The following NCKAP5 variants were observed in gnomAD, a reference collection of about 807,000 sequenced individuals.
NCKAP5 encodes NCK associated protein 5.
In NCKAP5, 92 loss-of-function variants were observed where a neutral mutation model predicts 167.0. That is an observed-to-expected ratio of 0.55 (90% confidence interval 0.47 to 0.66). The LOEUF (loss-of-function observed/expected upper bound fraction) is 0.66, where lower values mean the gene tolerates loss of function less well. Among genes scored for constraint, NCKAP5 ranks in the 30% least tolerant of loss-of-function variants. The pLI is 0.00. For synonymous variants in NCKAP5, 891 were observed against 877.4 expected (o/e 1.02, Z -0.27); for missense variants, 2,378 against 2,315.0 (o/e 1.03, Z -0.56).
chr2:133,135,095 C>T (rs113913522), intron 5 of NCKAP5, among the ~76,000 whole-genome samples: 6 of 152,232 alleles, frequency 3.9e-5, no homozygotes, highest in African/African-American at 1.2e-4. Context: ...AGAGGGCTGG[C>T]GCTAAATAAA....
chr2:133,448,445 C>A (rs183443193), intron 3 of NCKAP5, among the ~76,000 whole-genome samples: 41 of 151,936 alleles, frequency 2.7e-4, no homozygotes, highest in African/African-American at 9.4e-4. Flanking sequence ...CATTGTTTAC[C>A]CTGAGCAGTC....
intron 3 of NCKAP5, among the ~76,000 whole-genome samples, chr2:133,370,471 A>G (rs1020338779): frequency 3.9e-5 from 6 of 152,192 alleles, no homozygotes; most frequent in Non-Finnish European, 8.8e-5. Flanking sequence ...GTGCCTCTAA[A>G]TATAAAGGGT....
chr2:133,086,620 T>C lies in NCKAP5; in HGVS notation c.341+43358A>G, dbSNP rs1487376836. Among the ~76,000 whole-genome samples, 5 of 152,168 alleles carry C rather than the reference T, an allele frequency of 3.3e-5. No individual in the cohort carries two copies. In the East Asian group the frequency reaches 9.7e-4, roughly 29 times the overall value. On this transcript the variant is annotated intron_variant, in intron 6 of 19. Coordinates refer to ENST00000409261, the MANE Select transcript of NCKAP5 (RefSeq NM_207363.3). ...TCATGCCACTGCACTCCAGCCTGAG[T>C]GACAGAGCAAGACCTTATCTCTAAA...
chr2:133,296,078 T>G lies in NCKAP5; in HGVS notation c.143+6959A>C, dbSNP rs538686299. 2.0e-5 allele frequency among the ~76,000 whole-genome samples: 3 copies of G among 151,574 alleles called. No individual in the cohort carries two copies. The East Asian group carries it at 5.8e-4, about 29-fold the overall frequency. The stretch of plus-strand genomic sequence containing the variant: ...AAGATTAGAAATTATGGCTCAGGAG[T>G]CATGCAGCCAGAGGCCGCAAGATTC... On this transcript the variant is annotated intron_variant, in intron 4 of 19. Transcript: ENST00000409261.
chr2:132,879,223 C>T (rs1429978764), intron 8 of NCKAP5, among the ~76,000 whole-genome samples: 2 of 152,126 alleles, frequency 1.3e-5, no homozygotes, highest in East Asian at 1.9e-4. Flanking sequence ...TTATTTTATT[C>T]TGTGAAAATG....
intron 4 of NCKAP5, among the ~76,000 whole-genome samples, chr2:133,218,244 C>A (rs981701813): frequency 6.6e-5 from 10 of 151,860 alleles, no homozygotes; most frequent in African/African-American, 2.4e-4. Flanking sequence ...AACAGTAATT[C>A]CAAAACAAAA....
intron 2 of NCKAP5, among the ~76,000 whole-genome samples, chr2:133,545,676 C>A (rs1043274070): frequency 2.0e-5 from 3 of 152,126 alleles, no homozygotes; most frequent in African/African-American, 7.2e-5. Flanking sequence ...AACTATGTAT[C>A]TACCTGGCCT....
At chr2:133,248,040 T>A (rs576362031) in intron 4 of NCKAP5, among the ~76,000 whole-genome samples, 37 of 152,334 alleles carry the variant, frequency 2.4e-4, no homozygotes, top group African/African-American at 8.2e-4. Context: ...AAAAGCTGCA[T>A]TGATATTCTG....
chr2:133,271,021 G>A (rs1186672090), intron 4 of NCKAP5, among the ~76,000 whole-genome samples: 5 of 148,908 alleles, frequency 3.4e-5, no homozygotes, highest in Admixed American at 6.8e-5. Flanking sequence ...CCGGGTTCAC[G>A]TCATTCTCCT....
intron 9 of NCKAP5, among the ~76,000 whole-genome samples, chr2:132,874,269 T>A (rs1267071166): frequency 6.6e-6 from 1 of 151,908 alleles, no homozygotes; most frequent in Non-Finnish European, 1.5e-5. Flanking sequence ...CCACCATGCC[T>A]GGTTAATTTT....
chr2:133,310,227 A>G (rs1041282750), intron 3 of NCKAP5, among the ~76,000 whole-genome samples: 5 of 152,230 alleles, frequency 3.3e-5, no homozygotes, highest in African/African-American at 4.8e-5. Context: ...TGGCATCTGT[A>G]CCAATATAAA....
At chr2:132,824,514 G>A (rs575418056) in intron 11 of NCKAP5, among the ~76,000 whole-genome samples, 1 of 152,340 alleles carries the variant, frequency 6.6e-6, no homozygotes, top group South Asian at 2.1e-4. Context: ...AGGAGGCTGA[G>A]AAATAGCATA....
chr2:132,947,830 A>G (rs1028671241), intron 8 of NCKAP5, among the ~76,000 whole-genome samples: 3 of 152,138 alleles, frequency 2.0e-5, no homozygotes, highest in African/African-American at 7.2e-5. Flanking sequence ...TGCTGGTTTC[A>G]TTGTCACCTG....
At chr2:133,341,374 G>T (rs931299190) in intron 3 of NCKAP5, among the ~76,000 whole-genome samples, 1 of 151,942 alleles carries the variant, frequency 6.6e-6, no homozygotes, top group Middle Eastern at 3.2e-3. Context: ...TTCTAAGGGG[G>T]ATAAGGTGGA....
At chr2:132,945,076 G>A (rs966322868) in intron 8 of NCKAP5, among the ~76,000 whole-genome samples, 11 of 152,082 alleles carry the variant, frequency 7.2e-5, no homozygotes, top group African/African-American at 2.2e-4. Context: ...GGCCCCAAGC[G>A]GGTTGAGTTG....
chr2:133,518,542 G>C (rs1470501135), intron 2 of NCKAP5, among the ~76,000 whole-genome samples: 1 of 151,158 alleles, frequency 6.6e-6, no homozygotes, highest in African/African-American at 2.4e-5. Flanking sequence ...TTTTAGTAGA[G>C]ACAGGGTTTC....
chr2:132,931,060 T>A (rs1161100566), intron 8 of NCKAP5: 1 of 152,222 alleles, frequency 6.6e-6, no homozygotes, highest in Non-Finnish European at 1.5e-5. Flanking sequence ...TCAACCTAAA[T>A]GTAATGCTTT....
At chr2:133,010,009 T>C (rs1004505066) in intron 6 of NCKAP5, among the ~76,000 whole-genome samples, 5 of 151,314 alleles carry the variant, frequency 3.3e-5, no homozygotes, top group Admixed American at 3.3e-4. Context: ...AGGCAGAGCT[T>C]GCAGTGAGCC....
chr2:133,064,347 T>C, intron 6 of NCKAP5, among the ~76,000 whole-genome samples: 1 of 152,238 alleles, frequency 6.6e-6, no homozygotes, highest in East Asian at 1.9e-4. Flanking sequence ...CAGTGTTTGT[T>C]TCATTATGGT....
Sources: gnomAD v4.1 joint callset for allele counts (sites outside exome capture counted in the v4.1 genomes callset) on GRCh38, gnomAD v4.1.1 for gene constraint, MANE v1.5 for transcripts, NCBI Gene and HGNC (gene_info 2026-07-23, HGNC 2026-07-21) for gene names.